Variants in FUT8 observed in about 807,000 individuals in gnomAD.
FUT8 encodes the protein fucosyltransferase 8, also known as alpha-(1,6)-fucosyltransferase.
A neutral mutation model predicts 71.3 loss-of-function variants in FUT8; 29 were observed. The observed-to-expected ratio is 0.41, with a 90% CI of 0.30 to 0.55. The LOEUF (loss-of-function observed/expected upper bound fraction) is 0.55. Among genes scored for constraint, FUT8 ranks in the 20% least tolerant of loss-of-function variants. The pLI, the probability that FUT8 is intolerant of heterozygous loss-of-function variation, is 0.34. For synonymous variants in FUT8, 254 were observed against 239.3 expected, an observed-to-expected ratio of 1.06 and a Z score of -0.57; for missense variants, 544 against 702.1, an observed-to-expected ratio of 0.77 and a Z score of 2.55.
chr14:65,500,088 T>A (rs1416276473), intron 2 of FUT8, among the ~76,000 whole-genome samples: 1 of 152,178 alleles, frequency 6.6e-6, no homozygotes. Context: ...CATAATAACA[T>A]GTAGATTCTT....
intron 2 of FUT8, among the ~76,000 whole-genome samples, chr14:65,460,395 CTTGTAGCTCCTT>C (rs1838358985): frequency 6.6e-6 from 1 of 152,186 alleles, no homozygotes; most frequent in Non-Finnish European, 1.5e-5. Context: ...GGCATATTTG[CTTGTAGCTCCTT>C]TTAAAGATTG....
chr14:65,398,725 T>A, the FUT8 span, among the ~76,000 whole-genome samples: 4 of 148,914 alleles, frequency 2.7e-5, no homozygotes, highest in Non-Finnish European at 5.9e-5. Flanking sequence ...GCAGACTCCA[T>A]CTCAAAAAAA....
the FUT8 span, among the ~76,000 whole-genome samples, chr14:65,400,840 G>A: frequency 2.6e-5 from 4 of 151,990 alleles, no homozygotes; most frequent in African/African-American, 9.7e-5. Flanking sequence ...AGCCAGGATC[G>A]TGCCACTGCA....
At chr14:65,692,275 G>A (rs1360592906) in intron 7 of FUT8, among the ~76,000 whole-genome samples, 1 of 151,378 alleles carries the variant, frequency 6.6e-6, no homozygotes, top group African/African-American at 2.4e-5. Context: ...TGGCCGGGCA[G>A]AGGGGCTCCT....
chr14:65,523,642 T>A (rs1230914786), intron 2 of FUT8, among the ~76,000 whole-genome samples: 1 of 152,178 alleles, frequency 6.6e-6, no homozygotes, highest in Non-Finnish European at 1.5e-5. Flanking sequence ...GAATGAAGTA[T>A]TTGCCCATGC....
rs118089855 is a variant in FUT8 at position 65,603,447 on chromosome 14, C to A, written c.204-12531C>A. Among the ~76,000 whole-genome samples the A allele has an allele frequency of 2.4e-3, 361 of 151,566 alleles. 6 individuals carry two copies. Among genetic ancestry groups the A allele is most frequent in the Non-Finnish European group, 3.6e-3 (244 of 67,820 alleles). ...ATTTGTTCTTTTTGCTCAGTCTTGG[C>A]TTTGGCTTTGTGGGCTCTTTTTTGG... On this transcript the variant is annotated intron_variant, in intron 3 of 10. Transcript: ENST00000673929. This position sits in a 1 kb window ranked among gnomAD's most constrained non-coding sequence, Gnocchi z 4.5.
At chr14:65,666,645 A>C (rs891487344) in intron 6 of FUT8, among the ~76,000 whole-genome samples, 5 of 152,158 alleles carry the variant, frequency 3.3e-5, no homozygotes, top group Admixed American at 2.6e-4. Flanking sequence ...AAAATTGAGG[A>C]GGAGAGACTC....
rs117042490 is a variant in FUT8 at position 65,556,865 on chromosome 14, A to G, written c.-227-4472A>G. 6.2e-3 allele frequency among the ~76,000 whole-genome samples: 947 copies of G among 152,334 alleles called. 11 individuals carry two copies. The highest frequency in any genetic ancestry group is 0.035 in the East Asian group (183 of 5,180). ...TTATTTTATTTAAGCCTTTTCCAGT[A>G]TTCTCTGGGAGAGGTGGTATTTATT... On this transcript the variant is annotated intron_variant, in intron 2 of 10. Transcript: ENST00000673929.
chr14:65,424,804 T>C (rs2065358222), intron 1 of FUT8, among the ~76,000 whole-genome samples: 1 of 151,578 alleles, frequency 6.6e-6, no homozygotes, highest in African/African-American at 2.4e-5. Context: ...GGACTGCAGG[T>C]GCATGCTACC....
chr14:65,386,656 TTTTA>T, the FUT8 span, among the ~76,000 whole-genome samples: 2 of 151,922 alleles, frequency 1.3e-5, no homozygotes, highest in Non-Finnish European at 2.9e-5. Context: ...TGTCTACCAA[TTTTA>T]TTTATTACCT....
At chr14:65,708,105 G>A (rs1894639913) in intron 7 of FUT8, among the ~76,000 whole-genome samples, 1 of 152,150 alleles carries the variant, frequency 6.6e-6, no homozygotes, top group African/African-American at 2.4e-5. Context: ...ATCTTGAATT[G>A]TAATTCCCAT....
chr14:65,372,002 AT>A, the FUT8 span, among the ~76,000 whole-genome samples: 1 of 152,190 alleles, frequency 6.6e-6, no homozygotes, highest in South Asian at 2.1e-4. Flanking sequence ...GATACCTCCA[AT>A]TCTAATTCAG....
At chr14:65,419,335 A>C (rs549108422) in intron 1 of FUT8, among the ~76,000 whole-genome samples, 1 of 152,246 alleles carries the variant, frequency 6.6e-6, no homozygotes, top group Non-Finnish European at 1.5e-5. Context: ...TGTAAAAAAA[A>C]AAACTATGTT....
chr14:65,545,792 T>C (rs1884955324), intron 2 of FUT8, among the ~76,000 whole-genome samples: 1 of 151,844 alleles, frequency 6.6e-6, no homozygotes, highest in Non-Finnish European at 1.5e-5. Context: ...ATTTCTCTGG[T>C]TTGTTAATTA....
intron 6 of FUT8, among the ~76,000 whole-genome samples, chr14:65,656,572 G>T (rs1891690993): frequency 6.6e-6 from 1 of 152,098 alleles, no homozygotes; most frequent in South Asian, 2.1e-4. Flanking sequence ...GTAATCTATA[G>T]ATTCAGTGTA....
At chr14:65,651,919 A>G (rs1594861857) in intron 6 of FUT8, among the ~76,000 whole-genome samples, 1 of 152,340 alleles carries the variant, frequency 6.6e-6, no homozygotes, top group East Asian at 1.9e-4. Context: ...ACATCTTCAT[A>G]TTTGTATCAT....
intron 2 of FUT8, among the ~76,000 whole-genome samples, chr14:65,500,616 G>T (rs1446881066): frequency 6.6e-6 from 1 of 152,106 alleles, no homozygotes; most frequent in African/African-American, 2.4e-5. Context: ...TAGACTAAAA[G>T]GTTTGACTGT....
chr14:65,400,959 T>G, the FUT8 span, among the ~76,000 whole-genome samples: 1 of 152,320 alleles, frequency 6.6e-6, no homozygotes, highest in East Asian at 1.9e-4. Context: ...TTTTTGCTAT[T>G]TTTAAAAGAA....
rs1251855201 is a variant in FUT8 at position 65,608,066 on chromosome 14, A to AG, written c.204-7912_204-7911insG. ...GCAACAAAGCTAGACTCCGTCTCAAAAAAAAAAAAAAAAAAATGCTTGAAT... is the reference window on the plus strand; with the variant it reads ...GCAACAAAGCTAGACTCCGTCTCAAAGAAAAAAAAAAAAAAAATGCTTGAAT... On this transcript the variant is annotated intron_variant, in intron 3 of 10. Coordinates refer to ENST00000673929, the MANE Select transcript of FUT8 (RefSeq NM_001371533.1). 2.9e-3 allele frequency among the ~76,000 whole-genome samples: 430 copies of AG among 150,468 alleles called. 4 individuals are homozygous for AG. The highest frequency in any genetic ancestry group is 9.9e-3 in the African/African-American group (410 of 41,292).
Sources: gnomAD v4.1 joint callset for allele counts (sites outside exome capture counted in the v4.1 genomes callset) on GRCh38, gnomAD v4.1.1 for gene constraint, Gnocchi (gnomAD v3.1) non-coding constraint, MANE v1.5 for transcripts, NCBI Gene and HGNC (gene_info 2026-07-23, HGNC 2026-07-21) for gene names.